The following PRDM1 variants were observed in gnomAD, a reference collection of about 807,000 sequenced individuals.
PRDM1 encodes the protein PR/SET domain 1, also known as PR domain zinc finger protein 1.
PRDM1 carries 13 observed loss-of-function variants against 62.8 expected under a neutral mutation model. The ratio of observed to expected loss-of-function variants is 0.21; its 90% CI spans 0.13 to 0.33. The LOEUF (loss-of-function observed/expected upper bound fraction) is 0.33, where lower values mean the gene tolerates loss of function less well. PRDM1 is among the 10% of genes least tolerant of loss of function. The probability of loss-of-function intolerance (pLI) is 1.00; values close to 1 mark genes in which losing one functional copy is unlikely to be tolerated. For synonymous variants in PRDM1, 396 were observed against 417.6 expected, an observed-to-expected ratio of 0.95 and a Z score of 0.63; for missense variants, 895 against 1,058.8, an observed-to-expected ratio of 0.85 and a Z score of 2.15.
In PRDM1 at chr6:106,060,334, G is replaced by A. The variant is rs537336455; in HGVS notation, c.-67+11620G>A. 7.2e-5 allele frequency among the ~76,000 whole-genome samples: 11 copies of A among 152,306 alleles called. No individual in the cohort carries two copies. In the East Asian group the frequency reaches 1.2e-3, roughly 16 times the overall value. On this transcript the variant is annotated intron_variant, in intron 1 of 6. Transcript: ENST00000651185. The stretch of plus-strand genomic sequence containing the variant: ...AGTGCTGCTCAGAGATAAACAAGCC[G>A]AAAACAGAAAATTGCCCATTCATTT...
intron 1 of PRDM1, among the ~76,000 whole-genome samples, chr6:106,061,616 C>T (rs1177245745): frequency 6.6e-6 from 1 of 152,200 alleles, no homozygotes; most frequent in Non-Finnish European, 1.5e-5. Flanking sequence ...AAATTTGGCT[C>T]TTATACCCCA....
chr6:106,033,147 C>A (rs1392672404), intron 1 of PRDM1, among the ~76,000 whole-genome samples: 2 of 150,132 alleles, frequency 1.3e-5, no homozygotes, highest in African/African-American at 4.9e-5. Context: ...TTTTTAAAAT[C>A]TGTTTTTTAA....
upstream of PRDM1, among the ~76,000 whole-genome samples, chr6:106,044,890 G>A (rs1390642805): frequency 1.3e-5 from 2 of 152,154 alleles, no homozygotes; most frequent in African/African-American, 2.4e-5. Context: ...CTTTTGGAAA[G>A]TTCACTTTCC....
At chr6:106,021,561 G>T (rs1465672268) in intron 1 of PRDM1, among the ~76,000 whole-genome samples, 1 of 152,204 alleles carries the variant, frequency 6.6e-6, no homozygotes, top group African/African-American at 2.4e-5. Context: ...TGATGGCAAT[G>T]CAGTTAATTG....
chr6:106,013,488 C>T (rs188572762), intron 1 of PRDM1, among the ~76,000 whole-genome samples: 1,806 of 151,546 alleles, frequency 0.012, 22 homozygotes, highest in South Asian at 0.021. Context: ...CCACAACACT[C>T]GGCTAATTTT....
intron 3 of PRDM1, 67 bp downstream of exon 3, chr6:106,095,801 G>GGCTC: frequency 6.4e-7 from 1 of 1,559,144 alleles, no homozygotes; most frequent in Non-Finnish European, 8.7e-7. Context: ...AGAGCTGGGT[G>GGCTC]GCTCACCTTT....
intron 1 of PRDM1, among the ~76,000 whole-genome samples, chr6:106,050,894 G>GA (rs1176357605): frequency 5.9e-5 from 9 of 152,032 alleles, no homozygotes; most frequent in East Asian, 1.9e-4. Flanking sequence ...TATCCTTAAT[G>GA]AAAAAAAGTG....
Position 106,097,483 on chromosome 6 carries a change from G to A in PRDM1, c.411+1749G>A, listed in dbSNP as rs542519813. Among the ~76,000 whole-genome samples the A allele has an allele frequency of 5.9e-5, 9 of 152,316 alleles. No homozygotes were observed. In the East Asian group the frequency reaches 1.7e-3, roughly 29 times the overall value. ...TTTGCTGGCAGGAATATGAACATCT[G>A]TTGTGAGGAAAGAAAAAGTTTCATG... On this transcript the variant is annotated intron_variant, in intron 3 of 6. Coordinates refer to ENST00000369096, the MANE Select transcript of PRDM1 (RefSeq NM_001198.4).
At chr6:106,012,625 A>C (rs1320077567) in intron 1 of PRDM1, among the ~76,000 whole-genome samples, 1 of 151,842 alleles carries the variant, frequency 6.6e-6, no homozygotes, top group Non-Finnish European at 1.5e-5. Context: ...TACACCATAC[A>C]TTACCCCCCT....
intron 4 of PRDM1, among the ~76,000 whole-genome samples, chr6:106,101,437 ATATACTGTGAAATGACACC>A (rs1169342053): frequency 2.6e-5 from 4 of 152,210 alleles, no homozygotes; most frequent in Non-Finnish European, 5.9e-5. Context: ...CAACTGTCAT[ATATACTGTGAAATGACACC>A]TTTTATTTAT....
intron 1 of PRDM1, among the ~76,000 whole-genome samples, chr6:106,070,548 TC>T: frequency 6.6e-6 from 1 of 152,112 alleles, no homozygotes. Context: ...TCAAATTATT[TC>T]CCTGTGGATA....
Position 106,088,188 on chromosome 6 carries a change from C to G in PRDM1, c.43-13C>G. On this transcript the variant is annotated splice_polypyrimidine_tract_variant and intron_variant, in intron 1 of 6. Coordinates refer to ENST00000369096, the MANE Select transcript of PRDM1 (RefSeq NM_001198.4). ...GGACAATGGGGATTAAAGGCCTTTC[C>G]TTTCTCTTCCAGGCTGCCCCCAAGT... is the stretch of plus-strand genomic sequence containing the variant. 2 of 1,584,320 alleles carry G rather than the reference C, an allele frequency of 1.3e-6. No individual in the cohort carries two copies. Among genetic ancestry groups the G allele is most frequent in the Non-Finnish European group, 1.7e-6 (2 of 1,164,526 alleles).
upstream of PRDM1, among the ~76,000 whole-genome samples, chr6:106,045,104 G>A (rs1773053047): frequency 6.6e-6 from 1 of 152,184 alleles, no homozygotes; most frequent in Non-Finnish European, 1.5e-5. Context: ...TTTCTGGTAA[G>A]CTACTGTGGC....
At chr6:106,030,846 G>A (rs1562148545) in intron 1 of PRDM1, among the ~76,000 whole-genome samples, 1 of 152,096 alleles carries the variant, frequency 6.6e-6, no homozygotes, top group Non-Finnish European at 1.5e-5. Context: ...TCAAATATGT[G>A]CGGGTCTATT....
chr6:106,029,045 C>T (rs983277933), intron 1 of PRDM1, among the ~76,000 whole-genome samples: 5 of 151,722 alleles, frequency 3.3e-5, no homozygotes, highest in Non-Finnish European at 7.4e-5. Context: ...CTCAGCCTCC[C>T]GAGTAGCTGG....
chr6:106,031,629 G>T (rs1413598751), intron 1 of PRDM1, among the ~76,000 whole-genome samples: 1 of 152,212 alleles, frequency 6.6e-6, no homozygotes, highest in Non-Finnish European at 1.5e-5. Context: ...AGACCACCAA[G>T]GTGGGAAACA....
Position 106,086,386 on chromosome 6 carries a change from G to A in PRDM1, c.-168G>A, listed in dbSNP as rs1028670579. 1.0e-5 allele frequency: 6 copies of A among 594,876 alleles called. No homozygotes were observed. Among genetic ancestry groups the A allele is most frequent in the East Asian group, 2.9e-5 (1 of 34,666 alleles). The allele number at this position is 594,876 out of a possible 1,614,324, so 36.8% of individuals were successfully genotyped here. A position where few individuals can be genotyped will look rare whatever the true frequency, so the allele number is the denominator to read the frequency against. On this transcript the variant is annotated 5_prime_UTR_variant, in exon 1 of 7. Coordinates refer to ENST00000369096, the MANE Select transcript of PRDM1 (RefSeq NM_001198.4). ...ACTCGGCCCTCCAGTGTTGCGGAGA[G>A]GCAAGAGCAGCGACCGCGGCACCTG...
intron 1 of PRDM1, among the ~76,000 whole-genome samples, chr6:106,019,263 A>C (rs1772663118): frequency 6.9e-6 from 1 of 145,444 alleles, no homozygotes; most frequent in African/African-American, 2.6e-5. Context: ...CAAAAAAAAA[A>C]AAAAAAAAAA....
upstream of PRDM1, among the ~76,000 whole-genome samples, chr6:106,047,201 A>C (rs111226356): frequency 2.6e-5 from 4 of 152,218 alleles, no homozygotes; most frequent in Non-Finnish European, 5.9e-5. Context: ...GGAAGAATGG[A>C]GATATTGAAA....
Sources: gnomAD v4.1 joint callset for allele counts (sites outside exome capture counted in the v4.1 genomes callset) on GRCh38, gnomAD v4.1.1 for gene constraint, MANE v1.5 for transcripts, NCBI Gene and HGNC (gene_info 2026-07-23, HGNC 2026-07-21) for gene names.